PPOX: variants seen among roughly 807,000 people sequenced by gnomAD.
The protein encoded by PPOX is variegate porphyria.
PPOX carries 23 observed loss-of-function variants against 54.1 expected under a neutral mutation model. The observed-to-expected ratio is 0.43, with a 90% CI of 0.31 to 0.60. The LOEUF (loss-of-function observed/expected upper bound fraction) is 0.60. PPOX is among the 20% of genes least tolerant of loss of function. PPOX has a pLI of 0.13. For synonymous variants in PPOX, 224 were observed against 236.1 expected, an observed-to-expected ratio of 0.95 and a Z score of 0.47; for missense variants, 512 against 601.1, an observed-to-expected ratio of 0.85 and a Z score of 1.55.
intron 4 of PPOX, chr1:161,176,533 G>A: frequency 2.3e-6 from 1 of 431,186 alleles, no homozygotes; most frequent in Non-Finnish European, 4.2e-6. Flanking sequence ...GTCACAGAGG[G>A]CAGAGAAAGG....
rs1398423556 is a variant in PPOX, at chr1:161,167,119, G to A, written c.107G>A (p.Ser36Asn). The A allele has an allele frequency of 1.9e-6, 3 of 1,614,216 alleles. No individual in the cohort carries two copies. The South Asian group carries it at 3.3e-5, about 18-fold the overall frequency. Residue 36 changes from serine (S) to asparagine (N), a missense_variant, in exon 3 of 13, where the codon AGT becomes AAT. Physicochemically the swap from Ser to Asn is conservative, Grantham distance 46 (BLOSUM62 1). Transcript: ENST00000367999. ...CPPKVVLVES[S>N]ERLGGWIRSV... ...CGCCAGGTGGTCCTAGTGGAGAGCA[G>A]TGAGCGTCTGGGAGGCTGGATTCGC...
chr1:161,177,969 C>G (rs894733833), downstream of PPOX: 2 of 152,290 alleles, frequency 1.3e-5, no homozygotes, highest in East Asian at 1.9e-4. Flanking sequence ...TCCCGCAGGC[C>G]TGGAAATAAA....
intron 7 of PPOX, 196 bp from the exon 8 acceptor site, chr1:161,169,464 G>T (rs1303269627): frequency 1.9e-5 from 14 of 725,922 alleles, no homozygotes; most frequent in Non-Finnish European, 2.9e-5. Context: ...TGGCCTGTCT[G>T]GTCCACTTCC....
chr1:161,169,835 G>T lies in PPOX; in HGVS notation c.869-71G>T. 3 of 1,614,054 alleles carry T rather than the reference G, an allele frequency of 1.9e-6. No individual in the cohort carries two copies. The South Asian group carries it at 3.3e-5, about 18-fold the overall frequency. On this transcript the variant is annotated intron_variant, in intron 8 of 12. Coordinates refer to ENST00000367999, the MANE Select transcript of PPOX (RefSeq NM_001122764.3). ...CCCTGAACTGGTCATCTCTATGGGA[G>T]TCTAATCCCAAAGAGGACTGACAAC...
At chr1:161,174,751 C>T (rs1662846259), downstream of PPOX, among the ~76,000 whole-genome samples, 1 of 152,176 alleles carries the variant, frequency 6.6e-6, no homozygotes, top group Non-Finnish European at 1.5e-5. Flanking sequence ...CAACTCTGCA[C>T]AAGCCATTCA....
intron 8 of PPOX, 38 bp downstream of exon 8, chr1:161,169,758 C>T: frequency 6.2e-7 from 1 of 1,613,686 alleles, no homozygotes; most frequent in Non-Finnish European, 8.5e-7. Context: ...CCAACCCCTA[C>T]CAGTGAGAAG....
downstream of PPOX, chr1:161,172,115 G>C: frequency 6.2e-7 from 1 of 1,612,558 alleles, no homozygotes; most frequent in Non-Finnish European, 8.5e-7. Flanking sequence ...TGGAGACTAA[G>C]ACCCAGAAAG....
At chr1:161,166,714 G>A in intron 1 of PPOX, 42 bp downstream of exon 1, 1 of 1,535,884 alleles carries the variant, frequency 6.5e-7, no homozygotes, top group Non-Finnish European at 8.7e-7. Flanking sequence ...TGTTCCACCA[G>A]CCCATCCGTG....
At chr1:161,176,258 C>T in intron 4 of PPOX, 1 of 679,250 alleles carries the variant, frequency 1.5e-6, no homozygotes, top group Non-Finnish European at 2.4e-6. Flanking sequence ...AGTAACCCTA[C>T]CACCTGTCAC....
At chr1:161,169,789 G>T in intron 8 of PPOX, 69 bp downstream of exon 8, 1 of 1,612,484 alleles carries the variant, frequency 6.2e-7, no homozygotes, top group East Asian at 2.2e-5. Context: ...ACCTTCCTGG[G>T]TCAGCAGGAC....
At chr1:161,172,185 G>A, downstream of PPOX, 13 of 1,612,746 alleles carry the variant, frequency 8.1e-6, no homozygotes, top group Non-Finnish European at 1.0e-5. Context: ...AGAACCCTGA[G>A]GATCCAGTAA....
chr1:161,166,254 C>T, upstream of PPOX: 1 of 965,102 alleles, frequency 1.0e-6, no homozygotes, highest in Non-Finnish European at 1.2e-6. Context: ...ACGGGTACGG[C>T]CGCTCACTCC....
At position 161,169,150 on chromosome 1, in the gene PPOX, T is replaced by C. The variant is rs1250347019; in HGVS notation, c.774T>C (p.Cys258=). 4 of 1,614,142 alleles carry C rather than the reference T, an allele frequency of 2.5e-6. No individual in the cohort carries two copies. The highest frequency in any genetic ancestry group is 3.4e-6 in the Non-Finnish European group (4 of 1,180,024). Residue 258 remains cysteine (C), a synonymous_variant, in exon 7 of 13, where the codon TGT becomes TGC. Coordinates refer to ENST00000367999, the MANE Select transcript of PPOX (RefSeq NM_001122764.3). The stretch of plus-strand genomic sequence containing the variant: ...GTGTTCTCAGAGGCCAGCCGGTCTG[T>C]GGGCTCAGCCTCCAGGCAGAAGGGC... The part of the protein sequence containing the change: ...GVSVLRGQPV[C]GLSLQAEGRW...
chr1:161,172,229 G>T (rs752000957), downstream of PPOX: 2 of 1,613,998 alleles, frequency 1.2e-6, no homozygotes, highest in Non-Finnish European at 1.7e-6. Flanking sequence ...CTTCCTACCT[G>T]TGGGGATTTT....
At chr1:161,171,244 A>G, downstream of PPOX, 1 of 1,610,368 alleles carries the variant, frequency 6.2e-7, no homozygotes, top group Non-Finnish European at 8.5e-7. Flanking sequence ...TCTATCACCT[A>G]TAGGCATAAG....
intron 9 of PPOX, 88 bp from the exon 10 acceptor site, chr1:161,170,321 T>TGGGGGGGGGGC: frequency 5.4e-6 from 2 of 367,768 alleles, no homozygotes; most frequent in African/African-American, 2.9e-5. Flanking sequence ...TGAGACTCTG[T>TGGGGGGGGGGC]CCCCCCCACC....
rs909075008 is a variant in PPOX at position 161,170,408 on chromosome 1, G to C, written c.988-1G>C. 1 of 1,586,356 alleles carries C rather than the reference G, an allele frequency of 6.3e-7. No homozygotes were observed. The highest frequency in any genetic ancestry group is 8.6e-7 in the Non-Finnish European group (1 of 1,165,998). ...TGACGCATGAATGTCCTTCTCTCCA[G>C]GGATTTGGACATTTGGTGCCATCTT... is the stretch of plus-strand genomic sequence containing the variant. On this transcript the variant is annotated splice_acceptor_variant, in intron 9 of 12. Coordinates refer to ENST00000367999, the MANE Select transcript of PPOX (RefSeq NM_001122764.3). LOFTEE classifies it high-confidence loss of function.
Position 161,167,320 on chromosome 1 carries a change from G to C in PPOX, c.223-51G>C, listed in dbSNP as rs981024281. On this transcript the variant is annotated intron_variant, in intron 3 of 12. Transcript: ENST00000367999. ...GTTTAGGGGAGGAAGTATGTTTGGT[G>C]GGTCAGATCTTCCCTTAGTTTCTCC... 8 of 1,613,972 alleles carry C rather than the reference G, an allele frequency of 5.0e-6. No homozygotes were observed. The African/African-American group carries it at 5.3e-5, about 11-fold the overall frequency.
chr1:161,177,213 C>T (rs1663934022), downstream of PPOX: 29 of 772,394 alleles, frequency 3.8e-5, no homozygotes, highest in South Asian at 5.3e-4. Context: ...TAAAACCCAG[C>T]TCTTTCGGAG....
Sources: gnomAD v4.1 joint callset for allele counts (sites outside exome capture counted in the v4.1 genomes callset) on GRCh38, gnomAD v4.1.1 for gene constraint, MANE v1.5 for transcripts, NCBI Gene and HGNC (gene_info 2026-07-23, HGNC 2026-07-21) for gene names.